The following PTPRD variants were observed in gnomAD, a reference collection of about 807,000 sequenced individuals.
The protein encoded by PTPRD is receptor-type tyrosine-protein phosphatase delta.
Under a neutral mutation model 214.5 loss-of-function variants are expected in PTPRD, and 34 were observed. The ratio of observed to expected loss-of-function variants is 0.16; its 90% CI spans 0.12 to 0.21. The LOEUF is 0.21. PTPRD is among the 10% of genes least tolerant of loss of function. The pLI is 1.00. For missense variants in PTPRD, 2,545 were observed against 2,398.7 expected (o/e 1.06, Z -1.27); for synonymous variants, 1,128 against 845.7 (o/e 1.33, Z -5.79).
At chr9:8,750,362 T>G (rs1434871780) in intron 11 of PTPRD, among the ~76,000 whole-genome samples, 1 of 151,868 alleles carries the variant, frequency 6.6e-6, no homozygotes, top group African/African-American at 2.4e-5. Flanking sequence ...TTTACCAAGT[T>G]GGCCAGGCTG....
intron 10 of PTPRD, among the ~76,000 whole-genome samples, chr9:9,074,695 T>C (rs1229353449): frequency 6.6e-6 from 1 of 152,080 alleles, no homozygotes; most frequent in Non-Finnish European, 1.5e-5. Flanking sequence ...CTTTTGCCCA[T>C]TTTTAAATCA....
At chr9:9,845,828 G>A (rs2059423415) in intron 5 of PTPRD, among the ~76,000 whole-genome samples, 1 of 152,090 alleles carries the variant, frequency 6.6e-6, no homozygotes, top group Non-Finnish European at 1.5e-5. Context: ...ATAGCTAGCA[G>A]AAGGCTGCAA....
intron 12 of PTPRD, among the ~76,000 whole-genome samples, chr9:8,642,124 A>G (rs941583872): frequency 7.2e-5 from 11 of 152,052 alleles, no homozygotes; most frequent in Non-Finnish European, 1.5e-4. Flanking sequence ...AAGGTTAAGT[A>G]GATAACTTAG....
At chr9:9,955,901 T>G (rs990858146) in intron 4 of PTPRD, among the ~76,000 whole-genome samples, 2 of 152,168 alleles carry the variant, frequency 1.3e-5, no homozygotes, top group Non-Finnish European at 2.9e-5. Flanking sequence ...TACATGTTCC[T>G]GAAACAGTAT....
chr9:9,431,493 T>C (rs1334718870), intron 8 of PTPRD, among the ~76,000 whole-genome samples: 1 of 152,134 alleles, frequency 6.6e-6, no homozygotes, highest in Non-Finnish European at 1.5e-5. Flanking sequence ...GAAGACAGTG[T>C]GGCAATTCCT....
chr9:9,153,277 T>C (rs2099878396), intron 10 of PTPRD, among the ~76,000 whole-genome samples: 2 of 152,118 alleles, frequency 1.3e-5, no homozygotes, highest in African/African-American at 2.4e-5. Flanking sequence ...GGATGGAAAA[T>C]AGACTGACTC....
intron 3 of PTPRD, among the ~76,000 whole-genome samples, chr9:10,328,446 G>C (rs2096686602): frequency 6.6e-6 from 1 of 151,652 alleles, no homozygotes; most frequent in Admixed American, 6.6e-5. Context: ...TGAGAGTATA[G>C]AAATCATTTT....
intron 4 of PTPRD, among the ~76,000 whole-genome samples, chr9:9,949,709 A>G (rs142440926): frequency 6.6e-6 from 1 of 152,030 alleles, no homozygotes; most frequent in East Asian, 1.9e-4. Context: ...CAACAACAAC[A>G]AAAAAAATGC....
At chr9:8,478,405 T>G (rs1050367824) in intron 30 of PTPRD, among the ~76,000 whole-genome samples, 1 of 152,194 alleles carries the variant, frequency 6.6e-6, no homozygotes, top group Non-Finnish European at 1.5e-5. Flanking sequence ...CCAAAGAAAT[T>G]GAAAATTTCA....
intron 8 of PTPRD, among the ~76,000 whole-genome samples, chr9:9,460,706 C>G (rs1300419043): frequency 1.3e-5 from 2 of 151,988 alleles, no homozygotes; most frequent in African/African-American, 2.4e-5. Flanking sequence ...AAAGGAAACA[C>G]TTATACACTG....
At chr9:9,763,536 A>G (rs2154477364) in intron 6 of PTPRD, among the ~76,000 whole-genome samples, 1 of 152,308 alleles carries the variant, frequency 6.6e-6, no homozygotes, top group South Asian at 2.1e-4. Flanking sequence ...AAATTTATAA[A>G]AGGTTCCTTA....
chr9:10,056,320 C>CAA (rs35142087), intron 3 of PTPRD, among the ~76,000 whole-genome samples: 158 of 127,052 alleles, frequency 1.2e-3, no homozygotes, highest in African/African-American at 3.3e-3. Context: ...GACTCCATCT[C>CAA]AAAAAAAAAA....
intron 2 of PTPRD, among the ~76,000 whole-genome samples, chr9:10,431,517 A>C (rs955657092): frequency 4.6e-5 from 7 of 152,022 alleles, no homozygotes; most frequent in Admixed American, 1.3e-4. Context: ...AATGGGAGAA[A>C]ATTTTCGCAA....
chr9:9,937,213 CTT>C (rs1320832211), intron 5 of PTPRD, among the ~76,000 whole-genome samples: 1 of 150,688 alleles, frequency 6.6e-6, no homozygotes, highest in Non-Finnish European at 1.5e-5. Context: ...TACCCTAAAA[CTT>C]AAAGTAAAAT....
intron 3 of PTPRD, among the ~76,000 whole-genome samples, chr9:10,196,050 A>T (rs938318122): frequency 1.3e-5 from 2 of 152,168 alleles, no homozygotes; most frequent in African/African-American, 4.8e-5. Context: ...TCTACGGGGG[A>T]TGAAAATATT....
At chr9:9,550,437 T>C (rs558304740) in intron 8 of PTPRD, among the ~76,000 whole-genome samples, 1 of 148,160 alleles carries the variant, frequency 6.7e-6, no homozygotes, top group African/African-American at 2.4e-5. Flanking sequence ...TATATTAATG[T>C]ATATTATGTA....
chr9:8,699,770 A>T (rs1036986255), intron 12 of PTPRD, among the ~76,000 whole-genome samples: 1 of 140,286 alleles, frequency 7.1e-6, no homozygotes, highest in Non-Finnish European at 1.5e-5. Flanking sequence ...CAACGCCCAA[A>T]AGAAAAAAAA....
chr9:9,187,000 TATA>T (rs889673291), intron 9 of PTPRD, among the ~76,000 whole-genome samples: 5 of 151,640 alleles, frequency 3.3e-5, no homozygotes, highest in African/African-American at 9.7e-5. Flanking sequence ...TTATATAAAA[TATA>T]ATAATTAAAA....
chr9:8,777,267 T>C (rs1297034846), intron 11 of PTPRD, among the ~76,000 whole-genome samples: 3 of 152,138 alleles, frequency 2.0e-5, no homozygotes, highest in Non-Finnish European at 4.4e-5. Flanking sequence ...TTAAACTTTT[T>C]TGTTAAACTA....
Sources: gnomAD v4.1 joint callset for allele counts (sites outside exome capture counted in the v4.1 genomes callset) on GRCh38, gnomAD v4.1.1 for gene constraint, MANE v1.5 for transcripts, NCBI Gene and HGNC (gene_info 2026-07-23, HGNC 2026-07-21) for gene names.